UTRN: variants seen among roughly 807,000 people sequenced by gnomAD.
UTRN encodes the protein utrophin, also known as dystrophin-related protein 1.
In UTRN, 283 loss-of-function variants were observed where a neutral mutation model predicts 463.9. The observed-to-expected ratio is 0.61, with a 90% CI of 0.55 to 0.67. The LOEUF (loss-of-function observed/expected upper bound fraction) is 0.67, where lower values mean the gene tolerates loss of function less well. Ranked by LOEUF, UTRN falls within the 30% of genes least tolerant of loss-of-function variation. UTRN has a pLI of 0.00. For missense variants in UTRN, 3,922 were observed against 4,084.3 expected, an observed-to-expected ratio of 0.96 and a Z score of 1.08; for synonymous variants, 1,442 against 1,431.5, an observed-to-expected ratio of 1.01 and a Z score of -0.17.
intron 2 of UTRN, among the ~76,000 whole-genome samples, chr6:144,318,620 C>T (rs1484837156): frequency 2.0e-5 from 3 of 152,154 alleles, no homozygotes; most frequent in Non-Finnish European, 2.9e-5. Context: ...CTTGCCACCA[C>T]GCCTGGCTAA....
At chr6:144,523,908 G>A (rs1796342758) in intron 41 of UTRN, among the ~76,000 whole-genome samples, 1 of 152,138 alleles carries the variant, frequency 6.6e-6, no homozygotes, top group Non-Finnish European at 1.5e-5. Context: ...ATGCTTTTGA[G>A]CCTTCTTACT....
Position 144,436,940 on chromosome 6 carries a change from G to GTA in UTRN, c.1060-613_1060-612dup, listed in dbSNP as rs1198841702. Among the ~76,000 whole-genome samples the GTA allele has an allele frequency of 0.013, 1,833 of 143,466 alleles. 62 individuals are homozygous for GTA. In the East Asian group the frequency reaches 0.13, roughly 10 times the overall value. 94.1% of individuals were successfully genotyped at this position (143,466 alleles called of 152,430 possible). Reference sequence around the variant, plus strand: ...TATATATGTATATGTATATGTGTGTGTATATATATATATTTATAATTTTTT... The same window carrying GTA: ...TATATATGTATATGTATATGTGTGTGTATATATATATATATTTATAATTTTTT... On this transcript the variant is annotated intron_variant, in intron 10 of 74. Transcript: ENST00000367545.
At chr6:144,684,879 A>G (rs1259374778) in intron 52 of UTRN, among the ~76,000 whole-genome samples, 1 of 152,092 alleles carries the variant, frequency 6.6e-6, no homozygotes, top group Non-Finnish European at 1.5e-5. Context: ...AAAGTTTTAC[A>G]ATTTCAGTAG....
chr6:144,709,354 T>TA, intron 53 of UTRN, among the ~76,000 whole-genome samples: 1 of 152,224 alleles, frequency 6.6e-6, no homozygotes, highest in Admixed American at 6.5e-5. Context: ...TCTATTATTA[T>TA]AAATTCTGTT....
intron 51 of UTRN, among the ~76,000 whole-genome samples, chr6:144,646,317 T>C (rs1778298154): frequency 6.6e-6 from 1 of 152,182 alleles, no homozygotes; most frequent in African/African-American, 2.4e-5. Context: ...CAAAGCATTA[T>C]TTAATTTAAA....
intron 2 of UTRN, among the ~76,000 whole-genome samples, chr6:144,402,871 C>T (rs897941817): frequency 1.3e-5 from 2 of 152,046 alleles, no homozygotes; most frequent in South Asian, 4.1e-4. Context: ...GGCAGGACTC[C>T]GGGGTTTAGG....
At chr6:144,421,633 G>A (rs1784840657) in intron 3 of UTRN, among the ~76,000 whole-genome samples, 1 of 151,736 alleles carries the variant, frequency 6.6e-6, no homozygotes, top group Non-Finnish European at 1.5e-5. Context: ...AGGTTGCAGT[G>A]AGCTGAGATC....
rs1161587675 is a variant in UTRN, at chr6:144,423,445, G to A, written c.235-104G>A. On this transcript the variant is annotated intron_variant, in intron 4 of 74. Transcript: ENST00000367545. ...CAGCCAGATCTCCTGCCTCTGAGGG[G>A]CCCTGTACGCTGAGCTTCACTTCTG... is the stretch of plus-strand genomic sequence containing the variant. 2.6e-6 allele frequency: 3 copies of A among 1,138,814 alleles called. No homozygotes were observed. The African/African-American group carries it at 4.6e-5, about 17-fold the overall frequency. The allele number at this position is 1,138,814 out of a possible 1,614,324, so 70.5% of individuals were successfully genotyped here. A position where few individuals can be genotyped will look rare whatever the true frequency, so the allele number is the denominator to read the frequency against.
intron 50 of UTRN, among the ~76,000 whole-genome samples, chr6:144,569,428 T>C (rs1800734385): frequency 6.6e-6 from 1 of 152,108 alleles, no homozygotes; most frequent in South Asian, 2.1e-4. Flanking sequence ...CACATTTGCA[T>C]GCAATAAGCA....
intron 51 of UTRN, chr6:144,583,386 G>A (rs922925700): frequency 1.7e-5 from 9 of 542,048 alleles, no homozygotes; most frequent in African/African-American, 7.6e-5. Flanking sequence ...TCCTGGAAAC[G>A]AGCATGCTCA....
rs531057708 is a variant in UTRN at position 144,808,550 on chromosome 6, A to C, written c.9357+5403A>C. Among the ~76,000 whole-genome samples, 239 of 152,116 alleles carry C rather than the reference A, an allele frequency of 1.6e-3. 2 individuals are homozygous for C. The highest frequency in any genetic ancestry group is 7.5e-4 in the Non-Finnish European group (51 of 67,970). On this transcript the variant is annotated intron_variant, in intron 65 of 74. Transcript: ENST00000367545. ...GTGTGGTTTTGTTTTTTGAGATGAG[A>C]TCTAGTCTGTTAGTGAATTTCAAGT...
chr6:144,434,118 A>T (rs916451017), intron 9 of UTRN, among the ~76,000 whole-genome samples: 1 of 152,244 alleles, frequency 6.6e-6, no homozygotes, highest in South Asian at 2.1e-4. Flanking sequence ...AGGCTGGCGG[A>T]TCACTCGCGG....
chr6:144,819,877 G>GCCT (rs535515378), intron 65 of UTRN, among the ~76,000 whole-genome samples: 2,266 of 127,252 alleles, frequency 0.018, 55 homozygotes, highest in African/African-American at 0.028. Flanking sequence ...CTCCTCCGCC[G>GCCT]CCTCCTCCTC....
At chr6:144,477,907 CT>C (rs1221184224) in intron 25 of UTRN, among the ~76,000 whole-genome samples, 3 of 151,954 alleles carry the variant, frequency 2.0e-5, no homozygotes, top group East Asian at 1.9e-4. Context: ...ATCTATCTAT[CT>C]ATCCATCCAT....
intron 17 of UTRN, among the ~76,000 whole-genome samples, 167 bp from the exon 18 acceptor site, chr6:144,451,203 G>A (rs887400031): frequency 6.6e-6 from 1 of 152,172 alleles, no homozygotes; most frequent in Non-Finnish European, 1.5e-5. Flanking sequence ...ACTTTTAGTT[G>A]TAAATATATG....
chr6:144,640,608 G>A (rs1777669752), intron 51 of UTRN, among the ~76,000 whole-genome samples: 1 of 152,190 alleles, frequency 6.6e-6, no homozygotes, highest in Middle Eastern at 3.4e-3. Flanking sequence ...ATATAATCAG[G>A]AGTACAGTTT....
chr6:144,422,221 G>A (rs1248632987), intron 4 of UTRN, among the ~76,000 whole-genome samples: 2 of 152,210 alleles, frequency 1.3e-5, no homozygotes, highest in Non-Finnish European at 2.9e-5. Context: ...AGACAGCCCA[G>A]GATGAGAGAA....
chr6:144,529,687 C>G (rs1339411985), intron 41 of UTRN, among the ~76,000 whole-genome samples: 1 of 151,908 alleles, frequency 6.6e-6, no homozygotes, highest in African/African-American at 2.4e-5. Context: ...TAGAAAATTG[C>G]TTTACTGTGG....
At chr6:144,705,956 G>A (rs972603506) in intron 53 of UTRN, among the ~76,000 whole-genome samples, 1 of 151,670 alleles carries the variant, frequency 6.6e-6, no homozygotes, top group Non-Finnish European at 1.5e-5. Context: ...TAATGATTAT[G>A]CATTTGTAGA....
Sources: gnomAD v4.1 joint callset for allele counts (sites outside exome capture counted in the v4.1 genomes callset) on GRCh38, gnomAD v4.1.1 for gene constraint, MANE v1.5 for transcripts, NCBI Gene and HGNC (gene_info 2026-07-23, HGNC 2026-07-21) for gene names.